ANK3: variants seen among roughly 807,000 people sequenced by gnomAD.
ANK3 encodes the protein ankyrin 3, also known as ankyrin-3.
Under a neutral mutation model 370.9 loss-of-function variants are expected in ANK3, and 57 were observed. That is an observed-to-expected ratio of 0.15 (90% CI 0.12 to 0.19). ANK3 has a LOEUF of 0.19. ANK3 is among the 10% of genes least tolerant of loss of function. The pLI, the probability that ANK3 is intolerant of heterozygous loss-of-function variation, is 1.00. For synonymous variants in ANK3, 1,929 were observed against 1,946.3 expected, an observed-to-expected ratio of 0.99 and a Z score of 0.23; for missense variants, 4,439 against 5,302.1, an observed-to-expected ratio of 0.84 and a Z score of 5.06.
chr10:60,410,811 G>A (rs1481125402), intron 2 of ANK3, among the ~76,000 whole-genome samples: 4 of 152,010 alleles, frequency 2.6e-5, no homozygotes, highest in Non-Finnish European at 5.9e-5. Context: ...GACTACAGGT[G>A]CACACCAGAA....
intron 10 of ANK3, among the ~76,000 whole-genome samples, chr10:60,207,698 ATC>A (rs1309637238): frequency 6.6e-6 from 1 of 152,162 alleles, no homozygotes; most frequent in African/African-American, 2.4e-5. Context: ...TTGTTTTCAG[ATC>A]TCAGAATAAA....
intron 1 of ANK3, among the ~76,000 whole-genome samples, chr10:60,336,096 G>A (rs1485910465): frequency 1.3e-5 from 2 of 152,098 alleles, no homozygotes; most frequent in South Asian, 2.1e-4. Flanking sequence ...TTGGCGGGGG[G>A]GGGAAGCTGG....
At chr10:60,156,526 A>C (rs943009608) in intron 23 of ANK3, among the ~76,000 whole-genome samples, 2 of 152,106 alleles carry the variant, frequency 1.3e-5, no homozygotes, top group African/African-American at 4.8e-5. Flanking sequence ...GCCAGCTGTC[A>C]TGGCCATTAG....
At chr10:60,136,494 C>A (rs1158865709) in intron 24 of ANK3, among the ~76,000 whole-genome samples, 2 of 6,940 alleles carry the variant, frequency 2.9e-4, no homozygotes, top group African/African-American at 3.8e-4. Context: ...GATATGTTAA[C>A]ATTGGGGTGT....
chr10:60,439,257 G>A (rs1365218639), intron 2 of ANK3, among the ~76,000 whole-genome samples: 1 of 152,134 alleles, frequency 6.6e-6, no homozygotes, highest in Non-Finnish European at 1.5e-5. Flanking sequence ...GCTCCCTGTA[G>A]CTAACTTCTG....
intron 40 of ANK3, chr10:60,059,951 T>C: frequency 1.9e-6 from 3 of 1,613,388 alleles, no homozygotes; most frequent in Middle Eastern, 1.7e-4. Flanking sequence ...AAGGGGTAGG[T>C]GGTGTGTAGT....
chr10:60,428,783 G>C (rs1487388519), intron 2 of ANK3, among the ~76,000 whole-genome samples: 1 of 152,110 alleles, frequency 6.6e-6, no homozygotes, highest in African/African-American at 2.4e-5. Flanking sequence ...TGACCTCTTG[G>C]GGACCACATC....
chr10:60,470,776 C>T (rs1181658395), intron 2 of ANK3, among the ~76,000 whole-genome samples: 2 of 151,944 alleles, frequency 1.3e-5, no homozygotes, highest in Non-Finnish European at 2.9e-5. Context: ...GAGAGGTAAT[C>T]TAATAAAGAA....
In ANK3 at chr10:60,397,564, A is replaced by G. The variant is rs186129679; in HGVS notation, c.97-117925T>C. On this transcript the variant is annotated intron_variant, in intron 2 of 43. Coordinates refer to the ANK3 transcript ENST00000373827. ...ACATCATCTTGTTGGGGAGACAGTA[A>G]CACAGATTGGCACTCAGGGTTCCTG... Among the ~76,000 whole-genome samples, 53 of 152,304 alleles carry G rather than the reference A, an allele frequency of 3.5e-4. No homozygotes were observed. The East Asian group carries it at 0.01, about 29-fold the overall frequency.
At chr10:60,706,304 C>A (rs1368189221) in intron 1 of ANK3, among the ~76,000 whole-genome samples, 1 of 152,136 alleles carries the variant, frequency 6.6e-6, no homozygotes, top group Admixed American at 6.5e-5. Flanking sequence ...TATCTCTGAC[C>A]AGAAACATTC....
chr10:60,074,977 T>C lies in ANK3; in HGVS notation c.5904A>G (p.Val1968=). The C allele has an allele frequency of 6.2e-7, 1 of 1,614,092 alleles. No individual in the cohort carries two copies. Among genetic ancestry groups the C allele is most frequent in the Non-Finnish European group, 8.5e-7 (1 of 1,179,990 alleles). The change falls in exon 37 of 44, where the codon GTA becomes GTG. Residue 1968 remains valine, a synonymous_variant. Transcript: ENST00000280772. ...VSEILKKDVC[V]DNKGSPKSPK... ...GTGATTTGGGTGATCCTTTATTATC[T>C]ACACATACATCCTTTTTAAGGATTT...
upstream of ANK3, chr10:60,389,884 C>T (rs1195099855): frequency 2.3e-5 from 23 of 984,144 alleles, no homozygotes; most frequent in Middle Eastern, 5.2e-4. Context: ...AGTGATTCCT[C>T]GGAAGGGGGA....
chr10:60,710,316 T>C (rs765187258), intron 1 of ANK3, among the ~76,000 whole-genome samples: 3 of 152,192 alleles, frequency 2.0e-5, no homozygotes, highest in Non-Finnish European at 4.4e-5. Context: ...CAGTATGTAA[T>C]ACAGGTAATT....
In ANK3 at chr10:60,186,703, G is replaced by A; in HGVS notation, c.2085+12C>T. On this transcript the variant is annotated intron_variant, in intron 17 of 43. Coordinates refer to ENST00000280772, the MANE Select transcript of ANK3 (RefSeq NM_020987.5). ...GTGTGCTGCATGCTTTGTCAAGAAA[G>A]AAGTGGGTTACCTTATTGCTCAGGT... 1 of 1,613,602 alleles carries A rather than the reference G, an allele frequency of 6.2e-7. No individual in the cohort carries two copies.
intron 1 of ANK3, among the ~76,000 whole-genome samples, chr10:60,381,820 GA>G (rs1382991778): frequency 3.9e-5 from 6 of 152,120 alleles, no homozygotes; most frequent in African/African-American, 1.4e-4. Flanking sequence ...GAGGCCCAAA[GA>G]AATTTAGTTC....
At chr10:60,374,778 T>G (rs2060541923) in intron 1 of ANK3, among the ~76,000 whole-genome samples, 1 of 152,180 alleles carries the variant, frequency 6.6e-6, no homozygotes, top group African/African-American at 2.4e-5. Context: ...GAAAATAAAC[T>G]GAATATAGAA....
chr10:60,202,883 G>A, intron 12 of ANK3, 119 bp downstream of exon 12: 1 of 653,010 alleles, frequency 1.5e-6, no homozygotes, highest in African/African-American at 1.9e-5. Flanking sequence ...TTCCAGTCTG[G>A]GAGACAGAGC....
intron 1 of ANK3, among the ~76,000 whole-genome samples, chr10:60,281,280 A>G (rs1263847165): frequency 6.6e-6 from 1 of 152,194 alleles, no homozygotes; most frequent in South Asian, 2.1e-4. Flanking sequence ...TTTGATCTGA[A>G]TAATTCTTTG....
Position 60,070,805 on chromosome 10 carries a change from TC to T in ANK3, c.10075del (p.Glu3359AsnfsTer69). 1 of 1,614,190 alleles carries T rather than the reference TC, an allele frequency of 6.2e-7. No individual in the cohort carries two copies. The highest frequency in any genetic ancestry group is 8.5e-7 in the Non-Finnish European group (1 of 1,180,024). Reference protein sequence around the residue: ...ASAEKASNQKELESNGSGKDN... With the variant: ...ASAEKASNQKXLESNGSGKDN... ...TTTTCCAGATCCATTACTTTCCAGTTCTTTCTGGTTGGAAGCCTTTTCAGCA... is the reference window on the plus strand; with the variant it reads ...TTTTCCAGATCCATTACTTTCCAGTTTTTCTGGTTGGAAGCCTTTTCAGCA... On this transcript the variant is annotated frameshift_variant, in exon 37 of 44. Transcript: ENST00000280772. LOFTEE classifies it high-confidence loss of function. The surrounding 1 kb of genome is among the most constrained non-coding windows in gnomAD (Gnocchi z 5.7).
Sources: allele counts gnomAD v4.1 joint callset (sites outside exome capture counted in the v4.1 genomes callset), GRCh38; gene constraint gnomAD v4.1.1; non-coding constraint Gnocchi (gnomAD v3.1); transcripts MANE v1.5; gene names NCBI Gene and HGNC (gene_info 2026-07-23, HGNC 2026-07-21).